OPRL1: variants seen among roughly 807,000 people sequenced by gnomAD.
The protein encoded by OPRL1 is opioid related nociceptin receptor 1.
In OPRL1, 5 loss-of-function variants were observed where a neutral mutation model predicts 15.5. The observed-to-expected ratio is 0.32, with a 90% CI of 0.17 to 0.68. The LOEUF (loss-of-function observed/expected upper bound fraction) is 0.68. OPRL1 is among the 30% of genes least tolerant of loss of function. OPRL1 has a pLI of 0.72. For missense variants in OPRL1, 406 were observed against 515.3 expected, an observed-to-expected ratio of 0.79 and a Z score of 2.05; for synonymous variants, 223 against 230.2, an observed-to-expected ratio of 0.97 and a Z score of 0.28.
rs542740183 is a variant in OPRL1, at chr20:64,088,502, C to T, written c.-184-3464C>T. On this transcript the variant is annotated intron_variant, in intron 1 of 4. Transcript: ENST00000336866. ...ATCTGTACAGAGGGACCAAGATCTA[C>T]GCACGGGGATAGCATCTATGTGGGG... 1.9e-4 allele frequency among the ~76,000 whole-genome samples: 28 copies of T among 147,848 alleles called. No homozygotes were observed. The South Asian group carries it at 5.4e-3, about 28-fold the overall frequency.
chr20:64,096,360 C>T (rs1171779464), intron 3 of OPRL1, among the ~76,000 whole-genome samples: 1 of 152,110 alleles, frequency 6.6e-6, no homozygotes, highest in African/African-American at 2.4e-5. Flanking sequence ...CAGGACACTC[C>T]GTTCTGAGCC....
chr20:64,092,596 A>G (rs1004201604), intron 2 of OPRL1, 92 bp from the exon 3 acceptor site: 3 of 939,228 alleles, frequency 3.2e-6, no homozygotes, highest in South Asian at 1.6e-5. Flanking sequence ...GTGGGGGTCC[A>G]TGTGCCTGCT....
In OPRL1 at chr20:64,089,231, A is replaced by G. The variant is rs1414144675; in HGVS notation, c.-184-2735A>G. Among the ~76,000 whole-genome samples, 1 of 152,106 alleles carries G rather than the reference A, an allele frequency of 6.6e-6. No individual in the cohort carries two copies. The highest frequency in any genetic ancestry group is 1.5e-5 in the Non-Finnish European group (1 of 68,008). The stretch of plus-strand genomic sequence containing the variant: ...CAGAACACACAAGAAGTTCAAGGGA[A>G]CACATTATGAGATTGTGAACACCTG... On this transcript the variant is annotated intron_variant, in intron 1 of 4. Coordinates refer to ENST00000336866, the MANE Select transcript of OPRL1 (RefSeq NM_182647.4). This position sits in a 1 kb window ranked among gnomAD's most constrained non-coding sequence, Gnocchi z 5.5.
rs967208104 is a variant in OPRL1 at position 64,090,422 on chromosome 20, G to A, written c.-184-1544G>A. ...TGCCTGTTCCGTCCTCTCCTGATTT[G>A]CCAGGTATCCTAGCAACGCTGCTGC... On this transcript the variant is annotated intron_variant, in intron 1 of 4. Transcript: ENST00000336866. The surrounding 1 kb of genome is among the most constrained non-coding windows in gnomAD (Gnocchi z 4.9). Among the ~76,000 whole-genome samples the A allele has an allele frequency of 6.6e-6, 1 of 152,200 alleles. No individual in the cohort carries two copies. Among genetic ancestry groups the A allele is most frequent in the Non-Finnish European group, 1.5e-5 (1 of 68,026 alleles).
chr20:64,090,649 A>AC lies in OPRL1; in HGVS notation c.-184-1312dup, dbSNP rs568517941. ...TTCATCTCAGTGGATCAGGCATGGG[A>AC]CCCCCGTGCTGAGAAGGAGGCAACT... On this transcript the variant is annotated intron_variant, in intron 1 of 4. Transcript: ENST00000336866. The surrounding 1 kb of genome is among the most constrained non-coding windows in gnomAD (Gnocchi z 4.9). 6.6e-6 allele frequency among the ~76,000 whole-genome samples: 1 copy of AC among 151,448 alleles called. No homozygotes were observed. The highest frequency in any genetic ancestry group is 2.1e-4 in the South Asian group (1 of 4,794).
In OPRL1 at chr20:64,099,485, C is replaced by T. The variant is rs1222046243; in HGVS notation, c.*686C>T. The T allele has an allele frequency of 6.6e-6, 1 of 152,412 alleles. No individual in the cohort carries two copies. Among genetic ancestry groups the T allele is most frequent in the Non-Finnish European group, 1.5e-5 (1 of 68,252 alleles). 9.4% of individuals were successfully genotyped at this position (152,412 alleles called of 1,614,324 possible). ...GGGCTGGCAGTCCCTGGCTGCAGAC[C>T]CCGAGCTGGCCCTGGGCCAGCCGCA... On this transcript the variant is annotated 3_prime_UTR_variant, in exon 5 of 5. Transcript: ENST00000336866.
In OPRL1 at chr20:64,083,370, C is replaced by A. The variant is rs752290833; in HGVS notation, c.-185+3018C>A. ...TGGGGAGTGGCAGCAAAAAGACCAG[C>A]GAGCCTTCGGAGAATTATAACTTTA... is the stretch of plus-strand genomic sequence containing the variant. On this transcript the variant is annotated intron_variant, in intron 1 of 4. Coordinates refer to ENST00000336866, the MANE Select transcript of OPRL1 (RefSeq NM_182647.4). The surrounding 1 kb of genome is among the most constrained non-coding windows in gnomAD (Gnocchi z 4.9). 1.9e-6 allele frequency: 3 copies of A among 1,607,258 alleles called. No homozygotes were observed. Among genetic ancestry groups the A allele is most frequent in the Middle Eastern group, 1.7e-4 (1 of 6,042 alleles).
intron 1 of OPRL1, chr20:64,084,134 TCCTCACCCTGCGCCGTG>T (rs2060012202): frequency 6.8e-7 from 1 of 1,467,606 alleles, no homozygotes; most frequent in African/African-American, 1.5e-5. Flanking sequence ...CTTGGCACGC[TCCTCACCCTGCGCCGTG>T]CCTGGCGCGC....
intron 1 of OPRL1, among the ~76,000 whole-genome samples, chr20:64,088,887 T>G (rs1391021077): frequency 7.4e-4 from 108 of 145,482 alleles, no homozygotes; most frequent in Admixed American, 8.8e-4. Flanking sequence ...CCAGGGTCTG[T>G]GCAGAGTGGC....
Position 64,098,462 on chromosome 20 carries a change from G to A in OPRL1, c.776G>A (p.Arg259Gln), listed in dbSNP as rs55715214. 68 of 1,613,354 alleles carry A rather than the reference G, an allele frequency of 4.2e-5. No homozygotes were observed. Among genetic ancestry groups the A allele is most frequent in the South Asian group, 2.5e-4 (23 of 91,084 alleles). ...SGSREKDRNL[R>Q]RITRLVLVVV... ...TCCCGAGAGAAGGACCGGAACCTGC[G>A]GCGCATCACTCGGCTGGTGCTGGTG... The change falls in exon 5 of 5, where the codon CGG (arginine) becomes CAG (glutamine). Residue 259 changes from arginine (R) to glutamine (Q), a missense_variant. By Grantham distance (43) the Arg-to-Gln change is conservative. Transcript: ENST00000336866.
In OPRL1 at chr20:64,100,427, GT is replaced by G. The variant is rs1004230778; in HGVS notation, c.*1629del. 5.9e-5 allele frequency: 9 copies of G among 152,390 alleles called. No homozygotes were observed. Among genetic ancestry groups the G allele is most frequent in the African/African-American group, 2.2e-4 (9 of 41,592 alleles). The allele number at this position is 152,390 out of a possible 1,614,324, so 9.4% of individuals were successfully genotyped here. A position where few individuals can be genotyped will look rare whatever the true frequency, so the allele number is the denominator to read the frequency against. On this transcript the variant is annotated 3_prime_UTR_variant, in exon 5 of 5. Coordinates refer to ENST00000336866, the MANE Select transcript of OPRL1 (RefSeq NM_182647.4). ...GGCTCATGCTGTCTCCATGACGTCT[GT>G]GGCAGGAGTCCCTGAGGACGGGAGC...
In OPRL1 at chr20:64,098,362, G is replaced by GTCCC; in HGVS notation, c.677_680dup (p.Val228ProfsTer98). ...CTGCATCTTCCTCTTCTCCTTCATC[G>GTCCC]TCCCCGTGCTCGTCATCTCTGTCTG... On this transcript the variant is annotated frameshift_variant, in exon 5 of 5. Transcript: ENST00000336866. LOFTEE classifies it high-confidence loss of function. The GTCCC allele has an allele frequency of 6.2e-7, 1 of 1,613,822 alleles. No individual in the cohort carries two copies. The highest frequency in any genetic ancestry group is 8.5e-7 in the Non-Finnish European group (1 of 1,179,992).
At chr20:64,093,192 C>G (rs550948910) in intron 3 of OPRL1, among the ~76,000 whole-genome samples, 1 of 151,858 alleles carries the variant, frequency 6.6e-6, no homozygotes, top group Non-Finnish European at 1.5e-5. Context: ...CAGGCAGAGA[C>G]GTCACCACCC....
intron 1 of OPRL1, among the ~76,000 whole-genome samples, chr20:64,081,354 G>T (rs988583945): frequency 1.6e-4 from 25 of 152,236 alleles, no homozygotes; most frequent in African/African-American, 5.3e-4. Flanking sequence ...GCTCAACGAA[G>T]ATGGGCCAGC....
chr20:64,086,529 A>T (rs969225227), intron 1 of OPRL1: 2 of 197,434 alleles, frequency 1.0e-5, no homozygotes, highest in Admixed American at 4.6e-5. Context: ...TCAAGGGCTA[A>T]CGGAAATGCT....
At position 64,088,914 on chromosome 20, in the gene OPRL1, T is replaced by A. The variant is rs62218115; in HGVS notation, c.-184-3052T>A. 1.8e-3 allele frequency among the ~76,000 whole-genome samples: 185 copies of A among 101,488 alleles called. 1 individual carries two copies. Among genetic ancestry groups the A allele is most frequent in the Admixed American group, 2.5e-3 (28 of 11,346 alleles). The allele number at this position is 101,488 out of a possible 152,430, so 66.6% of individuals were successfully genotyped here. ...CAGAGTGGCCAGGGTCTGTGCAGAGTGGCCAGGATCTGTGCAAGGGGTAGG... is the reference window on the plus strand; with the variant it reads ...CAGAGTGGCCAGGGTCTGTGCAGAGAGGCCAGGATCTGTGCAAGGGGTAGG... On this transcript the variant is annotated intron_variant, in intron 1 of 4. Coordinates refer to ENST00000336866, the MANE Select transcript of OPRL1 (RefSeq NM_182647.4).
At position 64,098,512 on chromosome 20, in the gene OPRL1, T is replaced by C. The variant is rs868524114; in HGVS notation, c.826T>C (p.Trp276Arg). ...GGTAGTGGCTGTGTTCGTGGGCTGC[T>C]GGACGCCTGTCCAGGTCTTCGTGCT... ...LVVVAVFVGCWTPVQVFVLAQ... is the reference protein window; with the variant it reads ...LVVVAVFVGCRTPVQVFVLAQ... The change falls in exon 5 of 5, where the codon TGG (tryptophan) becomes CGG (arginine). Residue 276 changes from tryptophan (W) to arginine (R), a missense_variant. Coordinates refer to ENST00000336866, the MANE Select transcript of OPRL1 (RefSeq NM_182647.4). 6.2e-7 allele frequency: 1 copy of C among 1,612,916 alleles called. No homozygotes were observed. The highest frequency in any genetic ancestry group is 1.6e-4 in the Middle Eastern group (1 of 6,062).
At position 64,092,716 on chromosome 20, in the gene OPRL1, G is replaced by A. The variant is rs768295826; in HGVS notation, c.-5G>A. Reference sequence around the variant, plus strand: ...CCGTACAGAGTGGATTTGCAGGGCAGTGGCATGGAGCCCCTCTTCCCCGCG... The same window carrying A: ...CCGTACAGAGTGGATTTGCAGGGCAATGGCATGGAGCCCCTCTTCCCCGCG... On this transcript the variant is annotated 5_prime_UTR_variant, in exon 3 of 5. It adds an upstream start codon to the 5' untranslated region. Transcript: ENST00000336866. 51 of 1,610,808 alleles carry A rather than the reference G, an allele frequency of 3.2e-5. No homozygotes were observed. The highest frequency in any genetic ancestry group is 4.2e-5 in the Non-Finnish European group (49 of 1,178,876).
Position 64,083,474 on chromosome 20 carries a change from G to A in OPRL1, c.-185+3122G>A, listed in dbSNP as rs1159948061. The A allele has an allele frequency of 1.9e-6, 3 of 1,604,318 alleles. No homozygotes were observed. Among genetic ancestry groups the A allele is most frequent in the Non-Finnish European group, 1.7e-6 (2 of 1,176,418 alleles). On this transcript the variant is annotated intron_variant, in intron 1 of 4. Transcript: ENST00000336866. The surrounding 1 kb of genome is among the most constrained non-coding windows in gnomAD (Gnocchi z 4.9). ...TGGTGCCATCCACGTTCTCCTCCAG[G>A]ATGGTCTCCACGCGCCTCCGCTGCC...
Sources: gnomAD v4.1 joint callset for allele counts (sites outside exome capture counted in the v4.1 genomes callset) on GRCh38, gnomAD v4.1.1 for gene constraint, Gnocchi (gnomAD v3.1) non-coding constraint, MANE v1.5 for transcripts, NCBI Gene and HGNC (gene_info 2026-07-23, HGNC 2026-07-21) for gene names.